The following GPC5 variants were observed in gnomAD, a reference collection of about 807,000 sequenced individuals.
GPC5 encodes glypican 5.
Under a neutral mutation model 53.9 loss-of-function variants are expected in GPC5, and 47 were observed. That is an observed-to-expected ratio of 0.87 (90% CI 0.69 to 1.11). The LOEUF (loss-of-function observed/expected upper bound fraction) is 1.11, where lower values mean the gene tolerates loss of function less well. Among genes scored for constraint, GPC5 ranks in the 50% most tolerant of loss-of-function variants. GPC5 has a pLI of 0.00. For missense variants in GPC5, 748 were observed against 713.1 expected, an observed-to-expected ratio of 1.05 and a Z score of -0.56; for synonymous variants, 286 against 263.3, an observed-to-expected ratio of 1.09 and a Z score of -0.84.
chr13:92,155,002 T>C (rs2041933445), intron 7 of GPC5, among the ~76,000 whole-genome samples: 2 of 152,326 alleles, frequency 1.3e-5, no homozygotes, highest in Non-Finnish European at 2.9e-5. Flanking sequence ...CATTCTATGG[T>C]TATACTAGAG....
intron 2 of GPC5, among the ~76,000 whole-genome samples, chr13:91,636,410 A>G (rs1250813088): frequency 2.0e-5 from 3 of 152,000 alleles, no homozygotes; most frequent in Non-Finnish European, 4.4e-5. Flanking sequence ...GTGTGTGTGT[A>G]TATACACGTG....
intron 7 of GPC5, among the ~76,000 whole-genome samples, chr13:92,385,411 C>CATATATATACATATATACAT (rs2043788520): frequency 2.8e-5 from 1 of 35,612 alleles, no homozygotes; most frequent in African/African-American, 7.1e-5. Context: ...CATATATACA[C>CATATATATACATATATACAT]ATATATATAC....
rs567893970 is a variant in GPC5, at chr13:92,339,594, G to A, written c.1561+194605G>A. Among the ~76,000 whole-genome samples the A allele has an allele frequency of 3.3e-5, 5 of 152,160 alleles. 1 individual carries two copies. The highest frequency in any genetic ancestry group is 1.2e-4 in the African/African-American group (5 of 41,552). On this transcript the variant is annotated intron_variant, in intron 7 of 7. Coordinates refer to ENST00000377067, the MANE Select transcript of GPC5 (RefSeq NM_004466.6). ...ATTAGCTAGCAGTGTCCAATCTGTA[G>A]TATGATTAAGAATCTTTGATCTCCT...
rs757953581 is a variant in GPC5, at chr13:91,432,203, CTGTGTGTGTGTGTG to C, written c.164-16524_164-16511del. Among the ~76,000 whole-genome samples, 181 of 136,446 alleles carry C rather than the reference CTGTGTGTGTGTGTG, an allele frequency of 1.3e-3. 1 individual carries two copies. Among genetic ancestry groups the C allele is most frequent in the African/African-American group, 4.6e-3 (165 of 36,086 alleles). 89.5% of individuals were successfully genotyped at this position (136,446 alleles called of 152,430 possible). A position where few individuals can be genotyped will look rare whatever the true frequency, so the allele number is the denominator to read the frequency against. ...GCTTCCACTGCTGCTGCTGCTGCTG[CTGTGTGTGTGTGTG>C]TGTGTGTGTGTGTGTGTGTGTGTGT... On this transcript the variant is annotated intron_variant, in intron 1 of 7. Transcript: ENST00000377067.
chr13:92,139,350 T>C (rs1566452226), intron 6 of GPC5, among the ~76,000 whole-genome samples: 1 of 152,210 alleles, frequency 6.6e-6, no homozygotes, highest in Admixed American at 6.5e-5. Flanking sequence ...GCCTTCTCTT[T>C]TGATACGGAT....
At chr13:91,907,780 A>T (rs892644541) in intron 5 of GPC5, among the ~76,000 whole-genome samples, 157 bp from the exon 6 acceptor site, 1 of 151,952 alleles carries the variant, frequency 6.6e-6, no homozygotes, top group Non-Finnish European at 1.5e-5. Context: ...TTTTTCCTGG[A>T]AAAACATTAC....
chr13:92,251,466 A>T (rs1411823997), intron 7 of GPC5, among the ~76,000 whole-genome samples: 1 of 151,930 alleles, frequency 6.6e-6, no homozygotes, highest in African/African-American at 2.4e-5. Flanking sequence ...AGCTGTCTTC[A>T]CTCTCAATAT....
chr13:91,608,067 A>G (rs1031287430), intron 2 of GPC5, among the ~76,000 whole-genome samples: 1 of 152,226 alleles, frequency 6.6e-6, no homozygotes, highest in Non-Finnish European at 1.5e-5. Flanking sequence ...ATTTTTAAAT[A>G]TGATTTCTTA....
chr13:91,996,581 T>G (rs1375886385), intron 6 of GPC5: 2 of 152,198 alleles, frequency 1.3e-5, no homozygotes, highest in African/African-American at 4.8e-5. Context: ...TATAGCTAAA[T>G]TAATTGTCAC....
chr13:91,796,115 A>G (rs1789328014), intron 5 of GPC5, among the ~76,000 whole-genome samples: 1 of 151,912 alleles, frequency 6.6e-6, no homozygotes, highest in South Asian at 2.1e-4. Flanking sequence ...ATTCCAAGGA[A>G]TGGAATCTGG....
chr13:91,685,443 G>A (rs1388173885), intron 2 of GPC5, among the ~76,000 whole-genome samples: 1 of 152,198 alleles, frequency 6.6e-6, no homozygotes, highest in African/African-American at 2.4e-5. Context: ...GTTTCCTATT[G>A]AGAATAAGAT....
At chr13:91,960,677 AAAC>A (rs2040118302) in intron 6 of GPC5, among the ~76,000 whole-genome samples, 1 of 152,036 alleles carries the variant, frequency 6.6e-6, no homozygotes, top group Non-Finnish European at 1.5e-5. Flanking sequence ...GGCTATAGTA[AAAC>A]AACATGGTAT....
intron 6 of GPC5, among the ~76,000 whole-genome samples, chr13:92,098,531 C>T (rs879916849): frequency 3.9e-5 from 6 of 152,016 alleles, no homozygotes; most frequent in African/African-American, 7.3e-5. Context: ...ATATGTGACA[C>T]GAATAGGTAT....
At chr13:91,949,221 A>T (rs1189561544) in intron 6 of GPC5, among the ~76,000 whole-genome samples, 1 of 152,232 alleles carries the variant, frequency 6.6e-6, no homozygotes, top group Non-Finnish European at 1.5e-5. Context: ...AACGAAGGAC[A>T]GTCATCTCCA....
intron 7 of GPC5, among the ~76,000 whole-genome samples, chr13:92,205,173 C>T (rs1211527628): frequency 6.6e-6 from 1 of 151,974 alleles, no homozygotes; most frequent in Non-Finnish European, 1.5e-5. Context: ...CCACCGCACC[C>T]GGCCCTGTTT....
At chr13:91,670,044 A>G (rs1309944684) in intron 2 of GPC5, among the ~76,000 whole-genome samples, 1 of 152,212 alleles carries the variant, frequency 6.6e-6, no homozygotes, top group Non-Finnish European at 1.5e-5. Context: ...AATAGTCTAG[A>G]TTAGAATGGC....
At chr13:92,628,260 CTTTCT>C (rs1885114097) in intron 7 of GPC5, among the ~76,000 whole-genome samples, 1 of 37,552 alleles carries the variant, frequency 2.7e-5, no homozygotes, top group African/African-American at 8.2e-5. Flanking sequence ...TTTTCTTTTT[CTTTCT>C]TTTTTTTTTT....
Position 92,128,129 on chromosome 13 carries a change from C to T in GPC5, c.1402-16701C>T, listed in dbSNP as rs138771649. On this transcript the variant is annotated intron_variant, in intron 6 of 7. Coordinates refer to ENST00000377067, the MANE Select transcript of GPC5 (RefSeq NM_004466.6). The stretch of plus-strand genomic sequence containing the variant: ...ACTTACTCAGCTTTTCCCTATTCTT[C>T]GGGTTTCCTCTGGGTCCTTTGATAA... Among the ~76,000 whole-genome samples the T allele has an allele frequency of 6.0e-3, 921 of 152,278 alleles. 5 individuals are homozygous for T. Among genetic ancestry groups the T allele is most frequent in the East Asian group, 0.011 (56 of 5,176 alleles).
chr13:91,865,099 C>G (rs968252716), intron 5 of GPC5, among the ~76,000 whole-genome samples: 2 of 151,684 alleles, frequency 1.3e-5, no homozygotes, highest in African/African-American at 2.4e-5. Flanking sequence ...TTAGTAGAGA[C>G]GGGGTTTCAC....
Sources: gnomAD v4.1 joint callset for allele counts (sites outside exome capture counted in the v4.1 genomes callset) on GRCh38, gnomAD v4.1.1 for gene constraint, MANE v1.5 for transcripts, NCBI Gene and HGNC (gene_info 2026-07-23, HGNC 2026-07-21) for gene names.